TRPC7: variants seen among roughly 807,000 people sequenced by gnomAD.
TRPC7 encodes transient receptor potential cation channel subfamily C member 7, also known as short transient receptor potential channel 7.
TRPC7 carries 42 observed loss-of-function variants against 90.1 expected under a neutral mutation model. That is an observed-to-expected ratio of 0.47 (90% CI 0.36 to 0.60). The LOEUF (loss-of-function observed/expected upper bound fraction) is 0.60. TRPC7 is among the 20% of genes least tolerant of loss of function. TRPC7 has a pLI of 0.00. For synonymous variants in TRPC7, 451 were observed against 436.3 expected (o/e 1.03, Z -0.42); for missense variants, 955 against 1,112.3 (o/e 0.86, Z 2.01).
chr5:136,359,369 G>A (rs1760489950), intron 1 of TRPC7, among the ~76,000 whole-genome samples: 1 of 152,184 alleles, frequency 6.6e-6, no homozygotes, highest in African/African-American at 2.4e-5. Flanking sequence ...TCCCTCAAAA[G>A]GCAACTGTGG....
chr5:136,274,971 T>G, intron 3 of TRPC7, 134 bp from the exon 4 acceptor site: 4 of 915,314 alleles, frequency 4.4e-6, no homozygotes, highest in South Asian at 1.8e-5. Context: ...GAACCTGCAG[T>G]GGGTGGGGAT....
chr5:136,294,544 C>T (rs192868649), intron 3 of TRPC7, among the ~76,000 whole-genome samples: 4,276 of 152,106 alleles, frequency 0.028, 92 homozygotes, highest in African/African-American at 0.053. Context: ...AAAAAATGCT[C>T]ATCATCCCTG....
chr5:136,327,062 A>T (rs1264250305), intron 2 of TRPC7, among the ~76,000 whole-genome samples: 1 of 152,200 alleles, frequency 6.6e-6, no homozygotes, highest in African/African-American at 2.4e-5. Context: ...GTTGGCTCAC[A>T]TAGGCTCTCG....
chr5:136,297,021 T>C (rs1332175386), intron 3 of TRPC7, among the ~76,000 whole-genome samples: 1 of 152,160 alleles, frequency 6.6e-6, no homozygotes, highest in Non-Finnish European at 1.5e-5. Flanking sequence ...CACCTGCAAG[T>C]CCCTAAACGT....
chr5:136,357,973 A>G (rs1760442963), intron 1 of TRPC7, among the ~76,000 whole-genome samples: 1 of 152,204 alleles, frequency 6.6e-6, no homozygotes, highest in African/African-American at 2.4e-5. Flanking sequence ...CCTTCGGTTC[A>G]GATGTCTCCC....
chr5:136,273,419 A>G (rs1561696426), intron 4 of TRPC7, among the ~76,000 whole-genome samples: 1 of 152,204 alleles, frequency 6.6e-6, no homozygotes, highest in African/African-American at 2.4e-5. Context: ...AAAATCCTCA[A>G]TAGATGTAAG....
chr5:136,259,471 G>A (rs776073481), intron 5 of TRPC7, among the ~76,000 whole-genome samples: 9 of 152,280 alleles, frequency 5.9e-5, no homozygotes, highest in African/African-American at 9.6e-5. Flanking sequence ...CATTTTAGAC[G>A]TATTTTACTA....
At chr5:136,259,096 T>C (rs181640545) in intron 5 of TRPC7, among the ~76,000 whole-genome samples, 1 of 152,366 alleles carries the variant, frequency 6.6e-6, no homozygotes, top group Admixed American at 6.5e-5. Flanking sequence ...TCTAATATAG[T>C]AGCCCCCAAT....
At chr5:136,240,275 C>T (rs191753258) in intron 7 of TRPC7, among the ~76,000 whole-genome samples, 1 of 152,280 alleles carries the variant, frequency 6.6e-6, no homozygotes, top group Admixed American at 6.5e-5. Flanking sequence ...TCAGTGCTTC[C>T]TCCTCCCTGT....
chr5:136,263,846 G>A (rs1756940781), intron 5 of TRPC7, among the ~76,000 whole-genome samples: 1 of 152,128 alleles, frequency 6.6e-6, no homozygotes, highest in African/African-American at 2.4e-5. Context: ...ATAATTCAAG[G>A]TTAGAGAGAA....
intron 2 of TRPC7, among the ~76,000 whole-genome samples, chr5:136,326,398 C>T (rs998800857): frequency 2.0e-5 from 3 of 152,160 alleles, no homozygotes; most frequent in Non-Finnish European, 2.9e-5. Context: ...GGTGAGGATG[C>T]TATTCGGTGG....
intron 7 of TRPC7, among the ~76,000 whole-genome samples, chr5:136,245,322 A>G (rs1756302886): frequency 6.6e-6 from 1 of 152,218 alleles, no homozygotes; most frequent in Non-Finnish European, 1.5e-5. Context: ...TTCAGGGAGT[A>G]ACAGCTTCTG....
In TRPC7 at chr5:136,356,987, C is replaced by T. The variant is rs376824372; in HGVS notation, c.401G>A (p.Gly134Asp). 26 of 1,612,286 alleles carry T rather than the reference C, an allele frequency of 1.6e-5. No homozygotes were observed. The highest frequency in any genetic ancestry group is 1.3e-4 in the East Asian group (6 of 44,870). ...AILNHPAFAQ[G>D]QRLTLSPLEQ... ...CAGCGGGCTGAGCGTCAGGCGCTGG[C>T]CCTGCGCGAAGGCCGGGTGGTTGAG... The change falls in exon 2 of 12, where the codon GGC becomes GAC. Residue 134 changes from glycine to aspartate, a missense_variant. This residue lies in a region of TRPC7 where 484 missense variants were observed against 509.6 expected (regional missense o/e 0.95). Coordinates refer to ENST00000513104, the MANE Select transcript of TRPC7 (RefSeq NM_020389.3).
intron 7 of TRPC7, among the ~76,000 whole-genome samples, chr5:136,241,906 C>G (rs746500120): frequency 6.6e-6 from 1 of 152,194 alleles, no homozygotes; most frequent in Non-Finnish European, 1.5e-5. Flanking sequence ...CATCTATGAG[C>G]ATGGACCTTT....
At chr5:136,262,870 T>C (rs754030233) in intron 5 of TRPC7, among the ~76,000 whole-genome samples, 3 of 152,108 alleles carry the variant, frequency 2.0e-5, no homozygotes, top group Non-Finnish European at 2.9e-5. Context: ...CCCAGAAGCA[T>C]AGCAGCAGTC....
chr5:136,287,119 A>G (rs1038540705), intron 3 of TRPC7, among the ~76,000 whole-genome samples: 1 of 151,992 alleles, frequency 6.6e-6, no homozygotes, highest in African/African-American at 2.4e-5. Context: ...CCCCATCTGT[A>G]TGTCTGGGTG....
At chr5:136,288,251 C>T (rs2149822647) in intron 3 of TRPC7, among the ~76,000 whole-genome samples, 1 of 152,148 alleles carries the variant, frequency 6.6e-6, no homozygotes, top group African/African-American at 2.4e-5. Flanking sequence ...ATCTTACCAG[C>T]AAGAGGCACA....
At chr5:136,275,180 C>T (rs978015608) in intron 3 of TRPC7, among the ~76,000 whole-genome samples, 2 of 152,114 alleles carry the variant, frequency 1.3e-5, no homozygotes, top group Admixed American at 6.5e-5. Flanking sequence ...AGACTTATCT[C>T]TGGGCAGAGT....
At chr5:136,231,291 T>C in intron 8 of TRPC7, 63 bp downstream of exon 8, 1 of 1,416,660 alleles carries the variant, frequency 7.1e-7, no homozygotes. Flanking sequence ...TTCCCCTCAT[T>C]GCTGAAAAAA....
Sources: allele counts gnomAD v4.1 joint callset (sites outside exome capture counted in the v4.1 genomes callset), GRCh38; gene constraint gnomAD v4.1.1; regional missense constraint gnomAD v4.1.1; transcripts MANE v1.5; gene names NCBI Gene and HGNC (gene_info 2026-07-23, HGNC 2026-07-21).